The following FLRT2 variants were observed in gnomAD, a reference collection of about 807,000 sequenced individuals.
The protein encoded by FLRT2 is fibronectin leucine rich transmembrane protein 2.
FLRT2 carries 15 observed loss-of-function variants against 40.0 expected under a neutral mutation model. That is an observed-to-expected ratio of 0.38 (90% CI 0.25 to 0.58). The LOEUF (loss-of-function observed/expected upper bound fraction) is 0.58, where lower values mean the gene tolerates loss of function less well. Among genes scored for constraint, FLRT2 ranks in the 20% least tolerant of loss-of-function variants. The probability of loss-of-function intolerance (pLI) is 0.71; values close to 1 mark genes in which losing one functional copy is unlikely to be tolerated. For synonymous variants in FLRT2, 380 were observed against 336.8 expected (o/e 1.13, Z -1.41); for missense variants, 726 against 840.0 (o/e 0.86, Z 1.68).
In FLRT2 at chr14:85,578,161, T is replaced by TG. The variant is rs1163332944; in HGVS notation, c.-376-42978_-376-42977insG. 6.3e-5 allele frequency among the ~76,000 whole-genome samples: 9 copies of TG among 141,748 alleles called. No homozygotes were observed. In the South Asian group the frequency reaches 6.8e-4, roughly 11 times the overall value. The allele number at this position is 141,748 out of a possible 152,430, so 93.0% of individuals were successfully genotyped here. ...ATATATTTATATATATAAAAATATC[T>TG]TTATATATAAAAATATCTTTATATA... is the stretch of plus-strand genomic sequence containing the variant. On this transcript the variant is annotated intron_variant, in intron 1 of 1. Transcript: ENST00000330753.
At chr14:85,548,153 C>T (rs1235245054) in intron 1 of FLRT2, among the ~76,000 whole-genome samples, 2 of 152,176 alleles carry the variant, frequency 1.3e-5, no homozygotes, top group Non-Finnish European at 2.9e-5. Flanking sequence ...TTGAATTGAA[C>T]TCAGGTGTGT....
At chr14:85,565,100 G>A (rs1008665095) in intron 1 of FLRT2, among the ~76,000 whole-genome samples, 7 of 152,246 alleles carry the variant, frequency 4.6e-5, no homozygotes, top group African/African-American at 1.4e-4. Context: ...TTCCATTTTC[G>A]TCACCTCCAT....
chr14:85,607,918 C>T (rs1035148024), intron 1 of FLRT2, among the ~76,000 whole-genome samples: 32 of 151,896 alleles, frequency 2.1e-4, no homozygotes, highest in African/African-American at 7.8e-4. Context: ...GGGCTGGTTT[C>T]TTCCTAGGCT....
intron 1 of FLRT2, among the ~76,000 whole-genome samples, chr14:85,580,741 G>A (rs371134020): frequency 2.3e-5 from 1 of 43,906 alleles, no homozygotes; most frequent in African/African-American, 1.7e-4. Flanking sequence ...GGAAATGGGT[G>A]TAGAGCAAGC....
intron 1 of FLRT2, among the ~76,000 whole-genome samples, chr14:85,579,925 ATTTTTTTT>A (rs4015970): frequency 3.5e-4 from 41 of 117,562 alleles, no homozygotes; most frequent in Non-Finnish European, 6.1e-4. Flanking sequence ...GGGTATTAGA[ATTTTTTTT>A]TTTTTTTTTT....
intron 1 of FLRT2, among the ~76,000 whole-genome samples, chr14:85,563,508 C>T (rs144366115): frequency 1.3e-5 from 2 of 152,088 alleles, no homozygotes; most frequent in Non-Finnish European, 2.9e-5. Flanking sequence ...GGAAGAAGGG[C>T]GAAGGGGAAG....
At chr14:85,534,163 G>A (rs1888493968) in intron 1 of FLRT2, among the ~76,000 whole-genome samples, 1 of 152,206 alleles carries the variant, frequency 6.6e-6, no homozygotes, top group Non-Finnish European at 1.5e-5. Context: ...CGTTAGAGGG[G>A]CAGCTGTGCT....
In FLRT2 at chr14:85,648,250, G is replaced by A. The variant is rs1894355131; in HGVS notation, c.*24753G>A. On this transcript the variant is annotated 3_prime_UTR_variant, in exon 2 of 2. Transcript: ENST00000330753. ...TTCAAGTCTAAGTTCTAGGTACAAA[G>A]TGTACACTGTACTGGATTTAGTATT... The A allele has an allele frequency of 6.6e-6, 1 of 152,116 alleles. No homozygotes were observed. Among genetic ancestry groups the A allele is most frequent in the Non-Finnish European group, 1.5e-5 (1 of 68,020 alleles). 9.4% of individuals were successfully genotyped at this position (152,116 alleles called of 1,614,324 possible).
chr14:85,610,895 T>G (rs1050382525), intron 1 of FLRT2, among the ~76,000 whole-genome samples: 4 of 152,028 alleles, frequency 2.6e-5, no homozygotes, highest in Non-Finnish European at 5.9e-5. Context: ...TTTGTAGTTT[T>G]AATTAATGAA....
At chr14:85,556,955 T>C (rs771687502) in intron 1 of FLRT2, among the ~76,000 whole-genome samples, 38 of 152,246 alleles carry the variant, frequency 2.5e-4, no homozygotes, top group Non-Finnish European at 4.7e-4. Flanking sequence ...ACTTCTTACA[T>C]GGCAGCGGCA....
intron 1 of FLRT2, among the ~76,000 whole-genome samples, chr14:85,539,116 A>G (rs1388794666): frequency 2.0e-5 from 3 of 151,974 alleles, no homozygotes; most frequent in Non-Finnish European, 4.4e-5. Flanking sequence ...ATCCACCCTC[A>G]TCACTCCGGG....
chr14:85,549,726 C>T (rs1311311358), intron 1 of FLRT2, among the ~76,000 whole-genome samples: 1 of 151,656 alleles, frequency 6.6e-6, no homozygotes, highest in Admixed American at 6.6e-5. Context: ...ATCTGCCACA[C>T]TTCAAGTACT....
chr14:85,652,233 G>A lies in FLRT2; in HGVS notation c.*28736G>A, dbSNP rs1894450101. On this transcript the variant is annotated 3_prime_UTR_variant, in exon 2 of 2. Transcript: ENST00000330753. The stretch of plus-strand genomic sequence containing the variant: ...TTATTAGCTCAGATGATGTTTTAAT[G>A]ATTTGAGTTTATGTATTATTTGAAG... The A allele has an allele frequency of 1.3e-5, 2 of 152,032 alleles. No individual in the cohort carries two copies. Among genetic ancestry groups the A allele is most frequent in the African/African-American group, 4.8e-5 (2 of 41,408 alleles). 9.4% of individuals were successfully genotyped at this position (152,032 alleles called of 1,614,324 possible). A position where few individuals can be genotyped will look rare whatever the true frequency, so the allele number is the denominator to read the frequency against.
At chr14:85,605,102 T>C (rs917783808) in intron 1 of FLRT2, among the ~76,000 whole-genome samples, 1 of 152,208 alleles carries the variant, frequency 6.6e-6, no homozygotes, top group African/African-American at 2.4e-5. Context: ...TCTTTTCTTT[T>C]AATATCATCT....
chr14:85,567,635 ATT>A (rs34161461), intron 1 of FLRT2, among the ~76,000 whole-genome samples: 1,136 of 75,036 alleles, frequency 0.015, 7 homozygotes, highest in South Asian at 0.033. Flanking sequence ...AGTGACTTAC[ATT>A]TTTTTTTTTT....
rs145168289 is a variant in FLRT2 at position 85,540,386 on chromosome 14, A to G, written c.-377+9852A>G. On this transcript the variant is annotated intron_variant, in intron 1 of 1. Coordinates refer to ENST00000330753, the MANE Select transcript of FLRT2 (RefSeq NM_013231.6). Reference sequence around the variant, plus strand: ...ACAGTTCTTTACAGTGTATTTCTGCATGTTTTGTTCAGTTCTGTTTTTACT... The same window carrying G: ...ACAGTTCTTTACAGTGTATTTCTGCGTGTTTTGTTCAGTTCTGTTTTTACT... Among the ~76,000 whole-genome samples, 66 of 152,234 alleles carry G rather than the reference A, an allele frequency of 4.3e-4. No homozygotes were observed. In the East Asian group the frequency reaches 0.013, roughly 29 times the overall value.
chr14:85,564,009 T>C (rs959752108), intron 1 of FLRT2, among the ~76,000 whole-genome samples: 2 of 152,102 alleles, frequency 1.3e-5, no homozygotes, highest in African/African-American at 4.8e-5. Context: ...ATTTGACACT[T>C]ACGTGGACAG....
rs867269385 is a variant in FLRT2 at position 85,649,065 on chromosome 14, C to T, written c.*25568C>T. ...CTCTCCCTGTCAATATGCCTATTAC[C>T]CCAATATAATTTAAGATTGACAGGG... On this transcript the variant is annotated 3_prime_UTR_variant, in exon 2 of 2. Transcript: ENST00000330753. 2 of 151,948 alleles carry T rather than the reference C, an allele frequency of 1.3e-5. No homozygotes were observed. Among genetic ancestry groups the T allele is most frequent in the Non-Finnish European group, 2.9e-5 (2 of 67,980 alleles). 9.4% of individuals were successfully genotyped at this position (151,948 alleles called of 1,614,324 possible).
chr14:85,639,851 C>CTTTTTTTTTTTTTTTTTT lies in FLRT2; in HGVS notation c.*16369_*16370insTTTTTTTTTTTTTTTTTT, dbSNP rs869148428. The stretch of plus-strand genomic sequence containing the variant: ...GAAATTCTTTATTTTTTTTTTTTTC[C>CTTTTTTTTTTTTTTTTTT]TTTTTTTTTTTTTTTGAGACAGTGT... On this transcript the variant is annotated 3_prime_UTR_variant, in exon 2 of 2. Coordinates refer to ENST00000330753, the MANE Select transcript of FLRT2 (RefSeq NM_013231.6). 8.4e-6 allele frequency: 1 copy of CTTTTTTTTTTTTTTTTTT among 119,250 alleles called. No individual in the cohort carries two copies. Among genetic ancestry groups the CTTTTTTTTTTTTTTTTTT allele is most frequent in the Non-Finnish European group, 1.6e-5 (1 of 62,186 alleles). The allele number at this position is 119,250 out of a possible 1,614,324, so 7.4% of individuals were successfully genotyped here.
Sources: allele counts gnomAD v4.1 joint callset (sites outside exome capture counted in the v4.1 genomes callset), GRCh38; gene constraint gnomAD v4.1.1; transcripts MANE v1.5; gene names NCBI Gene and HGNC (gene_info 2026-07-23, HGNC 2026-07-21).